Variants in ARHGAP35 observed in about 807,000 individuals in gnomAD.
ARHGAP35 encodes the protein Rho GTPase activating protein 35, also known as rho GTPase-activating protein 35.
In ARHGAP35, 15 loss-of-function variants were observed where a neutral mutation model predicts 111.1. That is an observed-to-expected ratio of 0.13 (90% CI 0.09 to 0.21). The LOEUF (loss-of-function observed/expected upper bound fraction) is 0.21. Ranked by LOEUF, ARHGAP35 falls within the 10% of genes least tolerant of loss-of-function variation. The probability of loss-of-function intolerance (pLI) is 1.00; values close to 1 mark genes in which losing one functional copy is unlikely to be tolerated. For missense variants in ARHGAP35, 1,262 were observed against 1,873.0 expected (o/e 0.67, Z 6.02); for synonymous variants, 643 against 710.3 (o/e 0.91, Z 1.51).
rs577859714 is a variant in ARHGAP35, at chr19:46,908,979, G to C, written c.-188-9509G>C. Among the ~76,000 whole-genome samples the C allele has an allele frequency of 6.6e-6, 1 of 152,154 alleles. No homozygotes were observed. Among genetic ancestry groups the C allele is most frequent in the Non-Finnish European group, 1.5e-5 (1 of 68,028 alleles). The stretch of plus-strand genomic sequence containing the variant: ...CAAAAATTATAAATGGAATGTCAGA[G>C]AATCTTTCATAGCTACTCTTTAAAA... On this transcript the variant is annotated intron_variant, in intron 1 of 6. Transcript: ENST00000672722. The surrounding 1 kb of genome is among the most constrained non-coding windows in gnomAD (Gnocchi z 4.2).
chr19:46,865,991 C>T (rs2055854211), intron 1 of ARHGAP35, among the ~76,000 whole-genome samples: 1 of 152,096 alleles, frequency 6.6e-6, no homozygotes, highest in South Asian at 2.1e-4. Flanking sequence ...CAGGCATGCA[C>T]CACCACGCCA....
In ARHGAP35 at chr19:46,876,822, A is replaced by G. The variant is rs149764213; in HGVS notation, c.-189+15613A>G. Among the ~76,000 whole-genome samples, 210 of 152,310 alleles carry G rather than the reference A, an allele frequency of 1.4e-3. 1 individual carries two copies. The highest frequency in any genetic ancestry group is 4.8e-3 in the African/African-American group (201 of 41,554). On this transcript the variant is annotated intron_variant, in intron 1 of 6. Transcript: ENST00000672722. ...GGACTTGGCTTTAAGAGACCAGCTA[A>G]AGAATATAGTGGTAGGAAAATAAAT...
At position 46,920,634 on chromosome 19, in the gene ARHGAP35, G is replaced by C. The variant is rs751825882; in HGVS notation, c.1959G>C (p.Thr653=). Residue 653 remains threonine, a synonymous_variant, in exon 2 of 7, where the codon ACG becomes ACC. Coordinates refer to ENST00000672722, the MANE Select transcript of ARHGAP35 (RefSeq NM_004491.5). The surrounding 1 kb of genome is among the most constrained non-coding windows in gnomAD (Gnocchi z 7.0). ...NVRLPVNSFQ[T]PTFQPHGCLC... Reference sequence around the variant, plus strand: ...GGCTTCCTGTGAACTCTTTCCAGACGCCAACATTTCAGCCCCACGGCTGTC... The same window carrying C: ...GGCTTCCTGTGAACTCTTTCCAGACCCCAACATTTCAGCCCCACGGCTGTC... 2.5e-6 allele frequency: 4 copies of C among 1,613,980 alleles called. No homozygotes were observed. Among genetic ancestry groups the C allele is most frequent in the Non-Finnish European group, 3.4e-6 (4 of 1,179,902 alleles).
At chr19:46,913,074 T>C (rs2056146665) in intron 1 of ARHGAP35, among the ~76,000 whole-genome samples, 1 of 151,670 alleles carries the variant, frequency 6.6e-6, no homozygotes, top group Non-Finnish European at 1.5e-5. Flanking sequence ...TGTTACTAGT[T>C]GGTGGTGTTC....
rs1048617733 is a variant in ARHGAP35, at chr19:46,945,706, C to T, written c.3826+8298C>T. On this transcript the variant is annotated intron_variant, in intron 3 of 6. Coordinates refer to ENST00000672722, the MANE Select transcript of ARHGAP35 (RefSeq NM_004491.5). This position sits in a 1 kb window ranked among gnomAD's most constrained non-coding sequence, Gnocchi z 4.1. The stretch of plus-strand genomic sequence containing the variant: ...GCCTTGGCTCTGCTGTGTGTGTTCC[C>T]GGGTCCCCAGCCTCTCCTCAGCCTC... Among the ~76,000 whole-genome samples the T allele has an allele frequency of 1.3e-5, 2 of 152,154 alleles. No individual in the cohort carries two copies. Among genetic ancestry groups the T allele is most frequent in the Non-Finnish European group, 2.9e-5 (2 of 68,030 alleles).
intron 1 of ARHGAP35, among the ~76,000 whole-genome samples, chr19:46,891,431 T>G (rs8109022): frequency 0.26 from 39,892 of 150,928 alleles, 5,794 homozygotes; most frequent in East Asian, 0.42. Context: ...GTTTTTTTTT[T>G]TTGTTTTTTT....
In ARHGAP35 at chr19:46,999,506, A is replaced by C; in HGVS notation, c.4142+97A>C. 3.6e-6 allele frequency: 3 copies of C among 841,740 alleles called. No individual in the cohort carries two copies. The South Asian group carries it at 5.0e-5, about 14-fold the overall frequency. The allele number at this position is 841,740 out of a possible 1,614,324, so 52.1% of individuals were successfully genotyped here. The stretch of plus-strand genomic sequence containing the variant: ...AAGGCTCTGTCCACAAGCCAGTAGA[A>C]GCCTCAGGCCCTGGCCTGGAAGGGG... On this transcript the variant is annotated intron_variant, in intron 6 of 6. Coordinates refer to ENST00000672722, the MANE Select transcript of ARHGAP35 (RefSeq NM_004491.5). This position sits in a 1 kb window ranked among gnomAD's most constrained non-coding sequence, Gnocchi z 5.4.
In ARHGAP35 at chr19:46,992,495, C is replaced by T. The variant is rs2056684569; in HGVS notation, c.4036+2820C>T. Among the ~76,000 whole-genome samples the T allele has an allele frequency of 6.6e-6, 1 of 152,068 alleles. No individual in the cohort carries two copies. The highest frequency in any genetic ancestry group is 1.9e-4 in the East Asian group (1 of 5,190). ...TTCTGTCTCCTACCTGTAGCCCACC[C>T]CCACCTTCAAGAGTCGCTCTTGCCT... On this transcript the variant is annotated intron_variant, in intron 5 of 6. Transcript: ENST00000672722. This position sits in a 1 kb window ranked among gnomAD's most constrained non-coding sequence, Gnocchi z 4.4.
At chr19:46,861,259 C>T (rs1192214491) in intron 1 of ARHGAP35, among the ~76,000 whole-genome samples, 50 bp downstream of exon 1, 8 of 151,210 alleles carry the variant, frequency 5.3e-5, no homozygotes, top group African/African-American at 9.7e-5. Flanking sequence ...GGCGCCGCCC[C>T]GCTGCGGGGT....
At chr19:46,980,324 G>A (rs1001467486) in intron 3 of ARHGAP35, among the ~76,000 whole-genome samples, 3 of 152,192 alleles carry the variant, frequency 2.0e-5, no homozygotes, top group African/African-American at 7.2e-5. Context: ...AGCGGAGGTT[G>A]CAGTGAGCCG....
At chr19:46,929,784 A>G (rs2056261448) in intron 2 of ARHGAP35, among the ~76,000 whole-genome samples, 1 of 151,044 alleles carries the variant, frequency 6.6e-6, no homozygotes, top group Non-Finnish European at 1.5e-5. Flanking sequence ...TTGGTGGCAC[A>G]TATATGTTAA....
At chr19:46,894,032 G>A (rs1019106631) in intron 1 of ARHGAP35, among the ~76,000 whole-genome samples, 1 of 151,950 alleles carries the variant, frequency 6.6e-6, no homozygotes, top group Admixed American at 6.6e-5. Flanking sequence ...TCAGGGTGCA[G>A]TTGTTCTTGA....
At chr19:46,917,334 G>A (rs960752555) in intron 1 of ARHGAP35, among the ~76,000 whole-genome samples, 5 of 152,184 alleles carry the variant, frequency 3.3e-5, no homozygotes, top group Non-Finnish European at 4.4e-5. Context: ...TAGGCCAGGC[G>A]TGATCGCTTA....
chr19:46,966,143 G>C (rs954737195), intron 3 of ARHGAP35, among the ~76,000 whole-genome samples: 1 of 152,078 alleles, frequency 6.6e-6, no homozygotes, highest in African/African-American at 2.4e-5. Flanking sequence ...ATCTTTTAAA[G>C]ATATTTTTGG....
chr19:46,991,733 T>G (rs1474868930), intron 5 of ARHGAP35, among the ~76,000 whole-genome samples: 2 of 152,114 alleles, frequency 1.3e-5, no homozygotes, highest in Non-Finnish European at 2.9e-5. Flanking sequence ...CAGGGCCAGG[T>G]TCAACTGAGC....
At chr19:46,903,655 G>C (rs181174766) in intron 1 of ARHGAP35, among the ~76,000 whole-genome samples, 6 of 152,166 alleles carry the variant, frequency 3.9e-5, no homozygotes, top group Non-Finnish European at 7.4e-5. Flanking sequence ...TCTTAAGTCC[G>C]AGGGCTAAAC....
At position 46,993,343 on chromosome 19, in the gene ARHGAP35, G is replaced by C. The variant is rs2056689464; in HGVS notation, c.4036+3668G>C. On this transcript the variant is annotated intron_variant, in intron 5 of 6. Transcript: ENST00000672722. This position sits in a 1 kb window ranked among gnomAD's most constrained non-coding sequence, Gnocchi z 4.6. ...CAGATGGTCAGCGGCGGCCAGCAGG[G>C]ACTTTCCTCCAGGCACCGAGCTGGC... Among the ~76,000 whole-genome samples the C allele has an allele frequency of 6.6e-6, 1 of 152,246 alleles. No homozygotes were observed. Among genetic ancestry groups the C allele is most frequent in the South Asian group, 2.1e-4 (1 of 4,832 alleles).
In ARHGAP35 at chr19:46,984,099, AAAG is replaced by A. The variant is rs376685119; in HGVS notation, c.3827-3886_3827-3884del. ...GCAGCCAGTAGGGAGGGCTTTTAAA[AAAG>A]AAGGAGAGAAACAGAAAAGGCCTGC... On this transcript the variant is annotated intron_variant, in intron 3 of 6. Coordinates refer to ENST00000672722, the MANE Select transcript of ARHGAP35 (RefSeq NM_004491.5). 9.3e-4 allele frequency among the ~76,000 whole-genome samples: 141 copies of A among 152,356 alleles called. 4 individuals carry two copies. In the South Asian group the frequency reaches 0.028, roughly 31 times the overall value.
rs752386164 is a variant in ARHGAP35 at position 46,921,237 on chromosome 19, G to T, written c.2562G>T (p.Gly854=). 26 of 1,613,868 alleles carry T rather than the reference G, an allele frequency of 1.6e-5. No individual in the cohort carries two copies. Among genetic ancestry groups the T allele is most frequent in the Non-Finnish European group, 2.1e-5 (25 of 1,179,906 alleles). ...FSIRKSRLVH[G]YIVFYSAKRK... ...TCAGAAAGAGCCGGTTGGTTCATGG[G>T]TACATTGTTTTTTATTCAGCCAAAC... is the stretch of plus-strand genomic sequence containing the variant. The change falls in exon 2 of 7, where the codon GGG becomes GGT. Residue 854 remains glycine, a synonymous_variant. Coordinates refer to ENST00000672722, the MANE Select transcript of ARHGAP35 (RefSeq NM_004491.5). The surrounding 1 kb of genome is among the most constrained non-coding windows in gnomAD (Gnocchi z 4.3).
Sources: gnomAD v4.1 joint callset for allele counts (sites outside exome capture counted in the v4.1 genomes callset) on GRCh38, gnomAD v4.1.1 for gene constraint, Gnocchi (gnomAD v3.1) non-coding constraint, MANE v1.5 for transcripts, NCBI Gene and HGNC (gene_info 2026-07-23, HGNC 2026-07-21) for gene names.